SOX5: variants seen among roughly 807,000 people sequenced by gnomAD.
SOX5 encodes transcription factor SOX-5.
A neutral mutation model predicts 92.0 loss-of-function variants in SOX5; 9 were observed. The observed-to-expected ratio is 0.10, with a 90% CI of 0.06 to 0.17. SOX5 has a LOEUF of 0.17. Among genes scored for constraint, SOX5 ranks in the 10% least tolerant of loss-of-function variants. The pLI is 1.00. For missense variants in SOX5, 642 were observed against 944.5 expected, an observed-to-expected ratio of 0.68 and a Z score of 4.20; for synonymous variants, 344 against 336.3, an observed-to-expected ratio of 1.02 and a Z score of -0.25.
chr12:24,280,551 G>A (rs1157288390), intron 2 of SOX5, among the ~76,000 whole-genome samples: 1 of 152,016 alleles, frequency 6.6e-6, no homozygotes, highest in Non-Finnish European at 1.5e-5. Flanking sequence ...TTCCTAAGAG[G>A]CAGAAATGTT....
intron 1 of SOX5, among the ~76,000 whole-genome samples, chr12:24,438,367 A>G (rs1939856539): frequency 6.6e-6 from 1 of 152,176 alleles, no homozygotes; most frequent in Admixed American, 6.5e-5. Flanking sequence ...CCACCATGGC[A>G]CATGTATACC....
At chr12:23,800,227 C>A (rs2142131829) in intron 3 of SOX5, among the ~76,000 whole-genome samples, 1 of 152,072 alleles carries the variant, frequency 6.6e-6, no homozygotes, top group Non-Finnish European at 1.5e-5. Flanking sequence ...ACATTTGTGT[C>A]TATAAGTAAA....
At chr12:23,933,115 G>A (rs1219454732) in intron 1 of SOX5, among the ~76,000 whole-genome samples, 1 of 151,532 alleles carries the variant, frequency 6.6e-6, no homozygotes, top group Non-Finnish European at 1.5e-5. Flanking sequence ...TTTACCTACA[G>A]TCAACCAAAG....
At chr12:24,482,838 G>A (rs1946144925) in intron 1 of SOX5, among the ~76,000 whole-genome samples, 1 of 152,134 alleles carries the variant, frequency 6.6e-6, no homozygotes, top group African/African-American at 2.4e-5. Context: ...GTGAATAAAA[G>A]ATTGTTCTAA....
intron 1 of SOX5, among the ~76,000 whole-genome samples, chr12:24,452,944 T>A (rs1942525228): frequency 6.6e-6 from 1 of 152,196 alleles, no homozygotes; most frequent in Admixed American, 6.5e-5. Flanking sequence ...CAATGCAAAG[T>A]AATTAAATAG....
intron 3 of SOX5, among the ~76,000 whole-genome samples, chr12:24,261,653 G>C (rs953384857): frequency 2.0e-5 from 3 of 152,174 alleles, no homozygotes; most frequent in African/African-American, 7.2e-5. Flanking sequence ...TTAATGACCT[G>C]AAATTGACAG....
chr12:24,439,361 G>A (rs1940053919), intron 1 of SOX5, among the ~76,000 whole-genome samples: 1 of 152,098 alleles, frequency 6.6e-6, no homozygotes, highest in Non-Finnish European at 1.5e-5. Flanking sequence ...GTCTGGAACT[G>A]AACTTATGAT....
At chr12:24,412,650 T>C (rs531972263) in intron 1 of SOX5, among the ~76,000 whole-genome samples, 2 of 152,214 alleles carry the variant, frequency 1.3e-5, no homozygotes, top group African/African-American at 4.8e-5. Flanking sequence ...ATATATCCCA[T>C]ATGATTTTAG....
intron 2 of SOX5, among the ~76,000 whole-genome samples, chr12:24,363,546 C>T (rs984495105): frequency 1.3e-5 from 2 of 152,134 alleles, no homozygotes; most frequent in Admixed American, 6.6e-5. Flanking sequence ...ATAGCAATAA[C>T]ATTTATGTAT....
chr12:24,425,677 A>G lies in SOX5; in HGVS notation c.-250-57038T>C, dbSNP rs540473762. 1.1e-4 allele frequency among the ~76,000 whole-genome samples: 17 copies of G among 152,342 alleles called. 1 individual carries two copies. The highest frequency in any genetic ancestry group is 7.8e-4 in the Admixed American group (12 of 15,302). The stretch of plus-strand genomic sequence containing the variant: ...TGTAAAAGAACATTTCTGATTTAGT[A>G]AGGCTTTTACTGGAATTAAGTTGGG... On this transcript the variant is annotated intron_variant, in intron 1 of 4. Coordinates refer to the SOX5 transcript ENST00000446891.
intron 9 of SOX5, among the ~76,000 whole-genome samples, chr12:23,601,978 C>T (rs951351125): frequency 1.3e-5 from 2 of 152,246 alleles, no homozygotes; most frequent in Non-Finnish European, 2.9e-5. Context: ...GCACTTTATT[C>T]TTAGTTAAAC....
At chr12:23,971,642 T>C (rs1161090635) in intron 4 of SOX5, among the ~76,000 whole-genome samples, 2 of 151,774 alleles carry the variant, frequency 1.3e-5, no homozygotes, top group African/African-American at 4.8e-5. Flanking sequence ...GAAATATGTA[T>C]ATATCATAGT....
intron 2 of SOX5, among the ~76,000 whole-genome samples, chr12:24,343,603 C>T (rs1595771091): frequency 6.6e-6 from 1 of 152,200 alleles, no homozygotes; most frequent in East Asian, 1.9e-4. Flanking sequence ...CTTTAATCTG[C>T]ACTCAGCTTC....
rs913049699 is a variant in SOX5 at position 23,531,965 on chromosome 12, G to A, written c.*2254C>T. On this transcript the variant is annotated 3_prime_UTR_variant, in exon 15 of 15. Transcript: ENST00000451604. ...TATATACATATACATACATATATGAGTTGGAGATGGAAATTTGTTTTAAAT... is the reference window on the plus strand; with the variant it reads ...TATATACATATACATACATATATGAATTGGAGATGGAAATTTGTTTTAAAT... 8 of 150,628 alleles carry A rather than the reference G, an allele frequency of 5.3e-5. No homozygotes were observed. Among genetic ancestry groups the A allele is most frequent in the East Asian group, 3.9e-4 (2 of 5,174 alleles). The allele number at this position is 150,628 out of a possible 1,614,324, so 9.3% of individuals were successfully genotyped here.
intron 6 of SOX5, among the ~76,000 whole-genome samples, chr12:23,727,533 C>T (rs940663319): frequency 1.3e-5 from 2 of 152,010 alleles, no homozygotes; most frequent in South Asian, 4.1e-4. Flanking sequence ...CCTCATTTGA[C>T]AAGGCAAGTG....
At chr12:23,794,092 C>T (rs1375960866) in intron 3 of SOX5, among the ~76,000 whole-genome samples, 1 of 151,976 alleles carries the variant, frequency 6.6e-6, no homozygotes, top group East Asian at 1.9e-4. Context: ...TCATTGAAAC[C>T]AGAGAGGAAA....
At chr12:24,187,079 G>C (rs961455730) in intron 4 of SOX5, among the ~76,000 whole-genome samples, 4 of 152,142 alleles carry the variant, frequency 2.6e-5, no homozygotes, top group African/African-American at 9.7e-5. Context: ...AGGAGGGCAG[G>C]CCACTGAGAT....
intron 4 of SOX5, among the ~76,000 whole-genome samples, chr12:23,750,134 T>TA (rs1353982806): frequency 1.3e-5 from 2 of 151,806 alleles, no homozygotes; most frequent in African/African-American, 2.4e-5. Flanking sequence ...AAGCATTACA[T>TA]AAAAAAACAC....
chr12:24,449,669 T>C (rs1941983205), intron 1 of SOX5, among the ~76,000 whole-genome samples: 1 of 152,200 alleles, frequency 6.6e-6, no homozygotes, highest in African/African-American at 2.4e-5. Flanking sequence ...ATTAGTGAAT[T>C]TAATATATGT....
Sources: gnomAD v4.1 joint callset for allele counts (sites outside exome capture counted in the v4.1 genomes callset) on GRCh38, gnomAD v4.1.1 for gene constraint, MANE v1.5 for transcripts, NCBI Gene and HGNC (gene_info 2026-07-23, HGNC 2026-07-21) for gene names.